DHRS7B: variants seen among roughly 807,000 people sequenced by gnomAD.
DHRS7B encodes the protein peroxisomal reductase activating PPAR-gamma.
In DHRS7B, 24 loss-of-function variants were observed where a neutral mutation model predicts 26.4. The ratio of observed to expected loss-of-function variants is 0.91; its 90% CI spans 0.66 to 1.28. The LOEUF (loss-of-function observed/expected upper bound fraction) is 1.28. DHRS7B is among the 50% of genes most tolerant of loss of function. The pLI, the probability that DHRS7B is intolerant of heterozygous loss-of-function variation, is 0.00. For synonymous variants in DHRS7B, 142 were observed against 166.4 expected (o/e 0.85, Z 1.13); for missense variants, 368 against 419.4 (o/e 0.88, Z 1.07).
At chr17:21,174,625 C>T (rs1974333039) in intron 2 of DHRS7B, among the ~76,000 whole-genome samples, 1 of 152,214 alleles carries the variant, frequency 6.6e-6, no homozygotes, top group African/African-American at 2.4e-5. Context: ...TGCTAGGAAG[C>T]AAAACTCAAA....
At chr17:21,176,415 A>C (rs1974380584) in intron 2 of DHRS7B, among the ~76,000 whole-genome samples, 2 of 152,016 alleles carry the variant, frequency 1.3e-5, no homozygotes, top group African/African-American at 2.4e-5. Context: ...AGCCTGGGCA[A>C]CATGGCAAAA....
intron 1 of DHRS7B, among the ~76,000 whole-genome samples, chr17:21,159,990 G>A (rs533799755): frequency 2.6e-5 from 4 of 152,094 alleles, no homozygotes; most frequent in East Asian, 1.9e-4. Flanking sequence ...GGAGGCTGAC[G>A]TGGTGGATCA....
chr17:21,155,375 G>GA (rs1346070682), intron 1 of DHRS7B, among the ~76,000 whole-genome samples: 1 of 152,178 alleles, frequency 6.6e-6, no homozygotes, highest in Non-Finnish European at 1.5e-5. Context: ...ACAGAGCAAG[G>GA]AAAGTTATCA....
In DHRS7B at chr17:21,190,860, G is replaced by T. The variant is rs1270580574; in HGVS notation, c.773-88G>T. On this transcript the variant is annotated intron_variant, in intron 6 of 6. Transcript: ENST00000395511. Reference sequence around the variant, plus strand: ...AGCTTCATGGTGGGAAAGGCAGCAGGCTGACCTGACGACTCACATCAGCTC... The same window carrying T: ...AGCTTCATGGTGGGAAAGGCAGCAGTCTGACCTGACGACTCACATCAGCTC... 54 of 1,387,626 alleles carry T rather than the reference G, an allele frequency of 3.9e-5. No homozygotes were observed. The South Asian group carries it at 4.5e-4, about 11-fold the overall frequency. The allele number at this position is 1,387,626 out of a possible 1,614,324, so 86.0% of individuals were successfully genotyped here.
intron 4 of DHRS7B, 66 bp downstream of exon 4, chr17:21,183,876 C>T: frequency 2.1e-6 from 3 of 1,399,610 alleles, no homozygotes; most frequent in South Asian, 2.4e-5. Flanking sequence ...TCACTTGGAT[C>T]CTTTTCAGCT....
intron 1 of DHRS7B, among the ~76,000 whole-genome samples, chr17:21,137,392 G>T (rs1340444111): frequency 2.0e-5 from 3 of 151,262 alleles, no homozygotes; most frequent in Non-Finnish European, 4.4e-5. Context: ...CACTTACCGG[G>T]TTCACACCAT....
intron 1 of DHRS7B, among the ~76,000 whole-genome samples, chr17:21,141,220 A>C (rs989961999): frequency 6.6e-6 from 1 of 152,166 alleles, no homozygotes; most frequent in Non-Finnish European, 1.5e-5. Flanking sequence ...CCGGTCACCC[A>C]GGGGTGCCTT....
intron 3 of DHRS7B, 36 bp downstream of exon 3, chr17:21,178,378 G>A (rs1974432965): frequency 2.2e-5 from 35 of 1,569,598 alleles, no homozygotes; most frequent in Non-Finnish European, 3.1e-5. Flanking sequence ...GGGAAGGAGT[G>A]CAGGCCGTCT....
chr17:21,177,701 G>C (rs1026377476), intron 2 of DHRS7B, among the ~76,000 whole-genome samples: 8 of 152,164 alleles, frequency 5.3e-5, no homozygotes, highest in African/African-American at 1.9e-4. Context: ...CAGGCACTCT[G>C]CTCCCTCTGC....
At chr17:21,173,713 G>C (rs144832512) in intron 2 of DHRS7B, among the ~76,000 whole-genome samples, 32 of 152,316 alleles carry the variant, frequency 2.1e-4, no homozygotes, top group African/African-American at 7.2e-4. Flanking sequence ...CCTTTGCAGG[G>C]ACAGCTGTCT....
intron 1 of DHRS7B, among the ~76,000 whole-genome samples, chr17:21,145,022 A>C (rs1973610612): frequency 6.6e-6 from 1 of 151,994 alleles, no homozygotes; most frequent in African/African-American, 2.4e-5. Flanking sequence ...ACTCTAGTGG[A>C]TTAAAAAAAA....
At chr17:21,180,755 GT>G (rs1398956996) in intron 3 of DHRS7B, among the ~76,000 whole-genome samples, 1 of 152,200 alleles carries the variant, frequency 6.6e-6, no homozygotes, top group African/African-American at 2.4e-5. Context: ...AAGTTTTGAA[GT>G]GAGGAAGTGT....
At chr17:21,138,087 T>TACAC (rs1567616066) in intron 1 of DHRS7B, among the ~76,000 whole-genome samples, 30 of 62,936 alleles carry the variant, frequency 4.8e-4, no homozygotes, top group African/African-American at 1.9e-3. Flanking sequence ...TATATATATA[T>TACAC]ATATATATAT....
intron 1 of DHRS7B, among the ~76,000 whole-genome samples, chr17:21,132,251 A>AG (rs1164613516): frequency 2.6e-5 from 4 of 152,018 alleles, no homozygotes; most frequent in South Asian, 4.1e-4. Context: ...CTATAATCCC[A>AG]GCACTTTAGG....
intron 1 of DHRS7B, among the ~76,000 whole-genome samples, chr17:21,142,180 C>T (rs1294032533): frequency 1.3e-5 from 2 of 152,110 alleles, no homozygotes; most frequent in African/African-American, 2.4e-5. Context: ...CTAAGGGGGT[C>T]CACGTGAGAG....
intron 6 of DHRS7B, among the ~76,000 whole-genome samples, chr17:21,189,681 C>T (rs1249544852): frequency 2.0e-5 from 3 of 152,250 alleles, no homozygotes; most frequent in Non-Finnish European, 2.9e-5. Flanking sequence ...GTTTTCCCCA[C>T]AGTAGACTCT....
At chr17:21,155,880 A>G (rs1199613634) in intron 1 of DHRS7B, among the ~76,000 whole-genome samples, 1 of 152,272 alleles carries the variant, frequency 6.6e-6, no homozygotes, top group Non-Finnish European at 1.5e-5. Context: ...GGGTTAAAGA[A>G]GAAATCTCAA....
rs757076694 is a variant in DHRS7B, at chr17:21,178,257, C to T, written c.224C>T (p.Ala75Val). ...GKECAKVFYA[A>V]GAKLVLCGRN... ...GAATGTGCAAAAGTCTTCTATGCTG[C>T]GGGTGCTAAACTGGTGCTCTGTGGC... Residue 75 changes from alanine to valine, a missense_variant, in exon 3 of 7, where the codon GCG becomes GTG. Transcript: ENST00000395511. 2.0e-5 allele frequency: 32 copies of T among 1,614,112 alleles called. No individual in the cohort carries two copies. The highest frequency in any genetic ancestry group is 5.0e-5 in the Admixed American group (3 of 60,008).
rs1278150465 is a variant in DHRS7B at position 21,188,704 on chromosome 17, T to A, written c.620-7T>A. The stretch of plus-strand genomic sequence containing the variant: ...TCAGTCACCTGCCTCTCCGTCCACA[T>A]GTGTAGATGCAGCCTCCAAGCACGC... On this transcript the variant is annotated splice_region_variant and splice_polypyrimidine_tract_variant and intron_variant, in intron 5 of 6. Coordinates refer to ENST00000395511, the MANE Select transcript of DHRS7B (RefSeq NM_015510.5). The A allele has an allele frequency of 6.3e-7, 1 of 1,583,228 alleles. No individual in the cohort carries two copies. The highest frequency in any genetic ancestry group is 8.6e-7 in the Non-Finnish European group (1 of 1,164,936).
Sources: allele counts gnomAD v4.1 joint callset (sites outside exome capture counted in the v4.1 genomes callset), GRCh38; gene constraint gnomAD v4.1.1; transcripts MANE v1.5; gene names NCBI Gene and HGNC (gene_info 2026-07-23, HGNC 2026-07-21).